RCOR1: variants seen among roughly 807,000 people sequenced by gnomAD.
RCOR1 encodes REST corepressor.
RCOR1 carries 12 observed loss-of-function variants against 64.0 expected under a neutral mutation model. That is an observed-to-expected ratio of 0.19 (90% CI 0.12 to 0.30). The LOEUF is 0.30. RCOR1 is among the 10% of genes least tolerant of loss of function. The pLI is 1.00. For synonymous variants in RCOR1, 279 were observed against 227.2 expected, an observed-to-expected ratio of 1.23 and a Z score of -2.05; for missense variants, 502 against 621.2, an observed-to-expected ratio of 0.81 and a Z score of 2.04.
At chr14:102,683,658 C>T (rs895800035) in intron 3 of RCOR1, among the ~76,000 whole-genome samples, 3 of 152,226 alleles carry the variant, frequency 2.0e-5, no homozygotes, top group Admixed American at 6.5e-5. Flanking sequence ...CCTCTGGGGG[C>T]GCGCTGATGT....
intron 3 of RCOR1, among the ~76,000 whole-genome samples, chr14:102,699,811 C>G (rs1259016459): frequency 6.6e-6 from 1 of 151,220 alleles, no homozygotes; most frequent in East Asian, 1.9e-4. Flanking sequence ...AAAGGAAAAT[C>G]ATGCATGAAC....
chr14:102,697,938 C>G (rs1290283055), intron 3 of RCOR1, among the ~76,000 whole-genome samples: 1 of 152,174 alleles, frequency 6.6e-6, no homozygotes, highest in African/African-American at 2.4e-5. Flanking sequence ...CCGGGCTGGT[C>G]TCGAACTCCT....
intron 2 of RCOR1, among the ~76,000 whole-genome samples, chr14:102,615,533 C>G (rs1159262553): frequency 6.6e-6 from 1 of 151,082 alleles, no homozygotes; most frequent in African/African-American, 2.4e-5. Flanking sequence ...ACCGCAACCT[C>G]CACCTCCTGG....
chr14:102,620,504 T>C (rs1260222881), intron 2 of RCOR1, among the ~76,000 whole-genome samples: 1 of 151,968 alleles, frequency 6.6e-6, no homozygotes, highest in Non-Finnish European at 1.5e-5. Context: ...GAGGCAGAGG[T>C]TGTGGTGAGC....
intron 2 of RCOR1, among the ~76,000 whole-genome samples, chr14:102,640,902 G>C (rs1028693669): frequency 1.3e-5 from 2 of 152,098 alleles, no homozygotes; most frequent in Admixed American, 1.3e-4. Flanking sequence ...TGAGGCTGCA[G>C]TGAACTGCCA....
chr14:102,616,753 A>C (rs538780097), intron 2 of RCOR1, among the ~76,000 whole-genome samples: 26 of 152,238 alleles, frequency 1.7e-4, no homozygotes, highest in Admixed American at 1.4e-3. Context: ...GGCTCCCTAC[A>C]AGCCATGTTC....
intron 2 of RCOR1, among the ~76,000 whole-genome samples, chr14:102,640,183 C>T (rs1894337805): frequency 6.6e-6 from 1 of 151,802 alleles, no homozygotes; most frequent in Non-Finnish European, 1.5e-5. Context: ...TGCGTTTTGC[C>T]GTGTTGCCCA....
chr14:102,724,209 C>T (rs1219873961), intron 11 of RCOR1, among the ~76,000 whole-genome samples: 1 of 152,176 alleles, frequency 6.6e-6, no homozygotes, highest in East Asian at 1.9e-4. Context: ...CCAGCCTTCT[C>T]TGCAAAACAA....
intron 2 of RCOR1, among the ~76,000 whole-genome samples, chr14:102,660,316 T>C (rs1356735765): frequency 6.6e-6 from 1 of 152,188 alleles, no homozygotes; most frequent in African/African-American, 2.4e-5. Flanking sequence ...ACATGAAAAT[T>C]TGAAGATATT....
At chr14:102,683,287 C>T (rs927400695) in intron 3 of RCOR1, among the ~76,000 whole-genome samples, 16 of 152,138 alleles carry the variant, frequency 1.1e-4, no homozygotes, top group African/African-American at 3.9e-4. Flanking sequence ...GGCTGAGACA[C>T]ACTTGAGCCA....
At chr14:102,608,357 T>G (rs1420599958) in intron 2 of RCOR1, among the ~76,000 whole-genome samples, 4 of 152,170 alleles carry the variant, frequency 2.6e-5, no homozygotes, top group African/African-American at 9.6e-5. Flanking sequence ...CAAGGTTCAT[T>G]CATGTTGAAG....
intron 2 of RCOR1, among the ~76,000 whole-genome samples, chr14:102,606,082 T>G (rs138712729): frequency 1.3e-5 from 2 of 151,872 alleles, no homozygotes; most frequent in Admixed American, 6.6e-5. Context: ...CGCGCCACCA[T>G]GCCTGGCTAA....
rs1895877890 is a variant in RCOR1 at position 102,707,382 on chromosome 14, A to G, written c.530A>G (p.Asn177Ser). ...ALGMLFWHKHNIEKSLADLPN... is the reference protein window; with the variant it reads ...ALGMLFWHKHSIEKSLADLPN... ...GGGATGCTCTTCTGGCATAAACATA[A>G]TATCGAAAAGTCATTGGCTGATTTG... is the stretch of plus-strand genomic sequence containing the variant. Residue 177 changes from asparagine to serine, a missense_variant, in exon 5 of 12, where the codon AAT becomes AGT. By Grantham distance (46) the Asn-to-Ser change is conservative (BLOSUM62 1). Around this residue, in one of 2 missense-constraint regions of RCOR1, gnomAD observed 260 missense variants for 416.4 expected, o/e 0.62. Coordinates refer to ENST00000262241, the MANE Select transcript of RCOR1 (RefSeq NM_015156.4). The G allele has an allele frequency of 9.9e-6, 16 of 1,612,348 alleles. No individual in the cohort carries two copies. Among genetic ancestry groups the G allele is most frequent in the East Asian group, 2.2e-5 (1 of 44,754 alleles).
chr14:102,605,528 G>C (rs1893488317), intron 2 of RCOR1, among the ~76,000 whole-genome samples: 1 of 152,166 alleles, frequency 6.6e-6, no homozygotes, highest in African/African-American at 2.4e-5. Flanking sequence ...GCAACAGCGT[G>C]TAGCATTACT....
intron 3 of RCOR1, among the ~76,000 whole-genome samples, chr14:102,693,261 CTA>C (rs1420539433): frequency 6.6e-6 from 1 of 152,134 alleles, no homozygotes; most frequent in African/African-American, 2.4e-5. Context: ...ATTTGTATGA[CTA>C]TTTCTCTCTC....
Position 102,593,010 on chromosome 14 carries a change from G to A in RCOR1, c.124G>A (p.Ala42Thr). The A allele has an allele frequency of 4.2e-6, 5 of 1,203,020 alleles. No homozygotes were observed. The highest frequency in any genetic ancestry group is 3.8e-5 in the East Asian group (1 of 26,372). 74.5% of individuals were successfully genotyped at this position (1,203,020 alleles called of 1,614,324 possible). The change falls in exon 1 of 12, where the codon GCC (alanine) becomes ACC (threonine). Residue 42 changes from alanine (A) to threonine (T), a missense_variant. Transcript: ENST00000262241. ...AAASAACASP[A>T]ATAASGAAAS... The stretch of plus-strand genomic sequence containing the variant: ...CGCCTCGGCCGCCTGCGCCTCGCCA[G>A]CCGCCACTGCCGCCTCGGGCGCCGC...
chr14:102,674,284 G>A (rs1021933360), intron 2 of RCOR1, among the ~76,000 whole-genome samples: 2 of 152,170 alleles, frequency 1.3e-5, no homozygotes, highest in Non-Finnish European at 2.9e-5. Flanking sequence ...ACTTTTCACA[G>A]TAACACCTAG....
At chr14:102,603,722 A>T (rs983395767) in intron 2 of RCOR1, among the ~76,000 whole-genome samples, 1 of 151,910 alleles carries the variant, frequency 6.6e-6, no homozygotes. Context: ...CTGGGCTCAC[A>T]TGATCCTCCC....
intron 3 of RCOR1, among the ~76,000 whole-genome samples, chr14:102,692,830 G>A (rs1321731758): frequency 2.8e-5 from 4 of 143,110 alleles, no homozygotes; most frequent in Admixed American, 7.2e-5. Flanking sequence ...CATTGGCACA[G>A]TCTCAGCCCA....
Sources: allele counts gnomAD v4.1 joint callset (sites outside exome capture counted in the v4.1 genomes callset), GRCh38; gene constraint gnomAD v4.1.1; regional missense constraint gnomAD v4.1.1; transcripts MANE v1.5; gene names NCBI Gene and HGNC (gene_info 2026-07-23, HGNC 2026-07-21).